The following ABHD2 variants were observed in gnomAD, a reference collection of about 807,000 sequenced individuals.
ABHD2 encodes abhydrolase domain containing 2, acylglycerol lipase, also known as monoacylglycerol lipase ABHD2.
In ABHD2, 20 loss-of-function variants were observed where a neutral mutation model predicts 48.1. The ratio of observed to expected loss-of-function variants is 0.42; its 90% CI spans 0.29 to 0.60. The LOEUF (loss-of-function observed/expected upper bound fraction) is 0.60. ABHD2 is among the 20% of genes least tolerant of loss of function. The pLI is 0.24. For synonymous variants in ABHD2, 209 were observed against 214.2 expected (o/e 0.98, Z 0.21); for missense variants, 405 against 550.9 (o/e 0.74, Z 2.65).
chr15:89,188,883 TAAA>T lies in ABHD2; in HGVS notation c.926+593_926+595del, dbSNP rs34046140. Among the ~76,000 whole-genome samples the T allele has an allele frequency of 7.4e-6, 1 of 135,572 alleles. No homozygotes were observed. The highest frequency in any genetic ancestry group is 1.6e-5 in the Non-Finnish European group (1 of 63,438). The allele number at this position is 135,572 out of a possible 152,430, so 88.9% of individuals were successfully genotyped here. A position where few individuals can be genotyped will look rare whatever the true frequency, so the allele number is the denominator to read the frequency against. ...GACACAGCAAGACCCTTCTCAAAAT[TAAA>T]AAAAAAAAAAAAGAAGTAGAAAAAC... On this transcript the variant is annotated intron_variant, in intron 8 of 10. Transcript: ENST00000352732. This position sits in a 1 kb window ranked among gnomAD's most constrained non-coding sequence, Gnocchi z 4.1.
Position 89,201,331 on chromosome 15 carries a change from G to T in ABHD2, c.*5908G>T. 1 of 1,047,738 alleles carries T rather than the reference G, an allele frequency of 9.5e-7. No homozygotes were observed. The highest frequency in any genetic ancestry group is 1.3e-5 in the South Asian group (1 of 75,708). 64.9% of individuals were successfully genotyped at this position (1,047,738 alleles called of 1,614,324 possible). ...TTTCAGTATCATGAAGTGAAGCACT[G>T]TGTGGTTGTGGCGTGGGCCCGTCTT... On this transcript the variant is annotated 3_prime_UTR_variant, in exon 11 of 11. Transcript: ENST00000352732.
chr15:89,111,183 C>T (rs2049869221), intron 1 of ABHD2, among the ~76,000 whole-genome samples: 1 of 151,932 alleles, frequency 6.6e-6, no homozygotes, highest in South Asian at 2.1e-4. Context: ...AAAATTTCTC[C>T]TTAGATTTTC....
At position 89,100,567 on chromosome 15, in the gene ABHD2, A is replaced by G. The variant is rs867561744; in HGVS notation, c.-107+12004A>G. Among the ~76,000 whole-genome samples the G allele has an allele frequency of 3.3e-5, 5 of 152,176 alleles. No individual in the cohort carries two copies. Among genetic ancestry groups the G allele is most frequent in the Admixed American group, 6.5e-5 (1 of 15,278 alleles). On this transcript the variant is annotated intron_variant, in intron 1 of 10. Coordinates refer to ENST00000352732, the MANE Select transcript of ABHD2 (RefSeq NM_152924.5). The surrounding 1 kb of genome is among the most constrained non-coding windows in gnomAD (Gnocchi z 4.4). ...AGAAATATTTTTCCATTCTCCTTAG[A>G]TGTTAAAAAGGAACCTTATTGGCCA...
chr15:89,176,987 T>C lies in ABHD2; in HGVS notation c.722+992T>C. On this transcript the variant is annotated intron_variant, in intron 6 of 10. Transcript: ENST00000352732. This position sits in a 1 kb window ranked among gnomAD's most constrained non-coding sequence, Gnocchi z 4.5. ...CATCTATATTATTTCTAAAAATACA[T>C]ATTACTGGAATTTAAAGCCAGCACA... Among the ~76,000 whole-genome samples, 1 of 152,174 alleles carries C rather than the reference T, an allele frequency of 6.6e-6. No individual in the cohort carries two copies. Among genetic ancestry groups the C allele is most frequent in the Non-Finnish European group, 1.5e-5 (1 of 68,030 alleles).
the ABHD2 span, among the ~76,000 whole-genome samples, chr15:89,060,026 G>A: frequency 1.3e-5 from 2 of 150,078 alleles, no homozygotes; most frequent in Non-Finnish European, 3.0e-5. Context: ...TCAGACAGCA[G>A]TGTCTCATTG....
the ABHD2 span, among the ~76,000 whole-genome samples, chr15:89,052,558 G>GACACACACACACACAC: frequency 8.1e-6 from 1 of 124,150 alleles, no homozygotes; most frequent in South Asian, 2.6e-4. Flanking sequence ...CAGACAGACA[G>GACACACACACACACAC]ACACACACAC....
rs2283435 is a variant in ABHD2, at chr15:89,196,028, G to C, written c.*605G>C. ...ACGCTTTGCTGCTGCTGAGAGTTAC[G>C]TGAGGCACTTGTTAAAAATTCAGCC... On this transcript the variant is annotated 3_prime_UTR_variant, in exon 11 of 11. Coordinates refer to ENST00000352732, the MANE Select transcript of ABHD2 (RefSeq NM_152924.5). 0.48 allele frequency: 73,791 copies of C among 152,318 alleles called. 18,529 individuals are homozygous for C. Among genetic ancestry groups the C allele is most frequent in the East Asian group, 0.81 (4,185 of 5,140 alleles). 9.4% of individuals were successfully genotyped at this position (152,318 alleles called of 1,614,324 possible).
chr15:89,193,763 A>G (rs1482014549), intron 10 of ABHD2, among the ~76,000 whole-genome samples: 1 of 152,154 alleles, frequency 6.6e-6, no homozygotes, highest in East Asian at 1.9e-4. Context: ...GAGCCTGGGC[A>G]ATATAGTAAG....
rs1199675686 is a variant in ABHD2 at position 89,186,529 on chromosome 15, G to A, written c.815+1013G>A. ...GCTGAGAATACTCTCCCGTTTCTCT[G>A]CTGGTGGGAACTCAGCCCATCCTTT... On this transcript the variant is annotated intron_variant, in intron 7 of 10. Transcript: ENST00000352732. The surrounding 1 kb of genome is among the most constrained non-coding windows in gnomAD (Gnocchi z 4.3). Among the ~76,000 whole-genome samples the A allele has an allele frequency of 6.6e-6, 1 of 152,002 alleles. No individual in the cohort carries two copies. The highest frequency in any genetic ancestry group is 6.6e-5 in the Admixed American group (1 of 15,252).
chr15:89,080,116 A>T, the ABHD2 span, among the ~76,000 whole-genome samples: 1 of 152,228 alleles, frequency 6.6e-6, no homozygotes, highest in Non-Finnish European at 1.5e-5. Flanking sequence ...GCAAGAGCAG[A>T]AGAGCAAAAG....
At chr15:89,180,587 A>T (rs1163057362) in intron 6 of ABHD2, among the ~76,000 whole-genome samples, 2 of 152,206 alleles carry the variant, frequency 1.3e-5, no homozygotes, top group Admixed American at 1.3e-4. Context: ...CTGCCCCTGA[A>T]GGGCAACCTG....
At chr15:89,142,767 A>T (rs2050426019) in intron 3 of ABHD2, among the ~76,000 whole-genome samples, 1 of 152,088 alleles carries the variant, frequency 6.6e-6, no homozygotes, top group Admixed American at 6.6e-5. Context: ...TCATATCGTC[A>T]CATTTATTGG....
At chr15:89,125,103 C>A (rs926531459) in intron 3 of ABHD2, among the ~76,000 whole-genome samples, 38 of 145,964 alleles carry the variant, frequency 2.6e-4, no homozygotes, top group African/African-American at 7.5e-4. Context: ...AAAAAAAAAA[C>A]CAGTTAGTTG....
At chr15:89,136,153 T>C in intron 3 of ABHD2, 1 of 210,108 alleles carries the variant, frequency 4.8e-6, no homozygotes, top group South Asian at 6.0e-5. Flanking sequence ...GGCCTCGAAC[T>C]CCTGACCTTA....
At chr15:89,057,734 G>A in the ABHD2 span, among the ~76,000 whole-genome samples, 4 of 151,592 alleles carry the variant, frequency 2.6e-5, no homozygotes, top group Non-Finnish European at 5.9e-5. Flanking sequence ...GCCACCATGC[G>A]GCTTCCCAGT....
In ABHD2 at chr15:89,167,030, A is replaced by C. The variant is rs182672773; in HGVS notation, c.539-8782A>C. Among the ~76,000 whole-genome samples the C allele has an allele frequency of 3.1e-3, 479 of 152,316 alleles. No individual in the cohort carries two copies. The highest frequency in any genetic ancestry group is 0.01 in the African/African-American group (425 of 41,578). ...ATTAATAACTGCATCAGAACAATAC[A>C]TTCCAGGACCCTCTTGGAGAGACTA... On this transcript the variant is annotated intron_variant, in intron 5 of 10. Transcript: ENST00000352732. This position sits in a 1 kb window ranked among gnomAD's most constrained non-coding sequence, Gnocchi z 5.5.
chr15:89,135,143 C>CTTTTTTTT (rs3049683), intron 3 of ABHD2, among the ~76,000 whole-genome samples: 65 of 112,216 alleles, frequency 5.8e-4, no homozygotes, highest in Non-Finnish European at 8.7e-4. Flanking sequence ...ACAACTTTTT[C>CTTTTTTTT]TTTTTTTTTT....
intron 3 of ABHD2, among the ~76,000 whole-genome samples, chr15:89,147,350 CTTT>C (rs35188439): frequency 3.0e-5 from 3 of 100,320 alleles, no homozygotes; most frequent in Admixed American, 1.1e-4. Flanking sequence ...TTGCATAGCT[CTTT>C]TTTTTTTTTT....
At chr15:89,108,082 T>A (rs1318441742) in intron 1 of ABHD2, among the ~76,000 whole-genome samples, 1 of 152,216 alleles carries the variant, frequency 6.6e-6, no homozygotes, top group African/African-American at 2.4e-5. Context: ...GGAGCGTGTC[T>A]GAGTAACAAG....
Sources: allele counts gnomAD v4.1 joint callset (sites outside exome capture counted in the v4.1 genomes callset), GRCh38; gene constraint gnomAD v4.1.1; non-coding constraint Gnocchi (gnomAD v3.1); transcripts MANE v1.5; gene names NCBI Gene and HGNC (gene_info 2026-07-23, HGNC 2026-07-21).